STXBP4: variants seen among roughly 807,000 people sequenced by gnomAD.
STXBP4 encodes the protein syntaxin-binding protein 4.
Under a neutral mutation model 76.1 loss-of-function variants are expected in STXBP4, and 55 were observed. The observed-to-expected ratio is 0.72, with a 90% CI of 0.58 to 0.91. The LOEUF is 0.91. Ranked by LOEUF, STXBP4 falls within the 40% of genes least tolerant of loss-of-function variation. The probability of loss-of-function intolerance (pLI) is 0.00; values close to 1 mark genes in which losing one functional copy is unlikely to be tolerated. For synonymous variants in STXBP4, 201 were observed against 220.2 expected (o/e 0.91, Z 0.77); for missense variants, 618 against 636.9 (o/e 0.97, Z 0.32).
chr17:55,078,821 C>G (rs1383345625), intron 15 of STXBP4, 86 bp downstream of exon 15: 5 of 786,324 alleles, frequency 6.4e-6, no homozygotes, highest in Non-Finnish European at 1.1e-5. Flanking sequence ...CTAAAAATCT[C>G]TTAAATAGTC....
chr17:54,998,946 C>G (rs2077860803), intron 4 of STXBP4, among the ~76,000 whole-genome samples: 4 of 151,922 alleles, frequency 2.6e-5, no homozygotes, highest in Admixed American at 2.6e-4. Context: ...TGTAGGAATG[C>G]AGAGAAAATA....
chr17:55,123,672 G>A (rs1405165746), intron 16 of STXBP4, among the ~76,000 whole-genome samples: 6 of 152,078 alleles, frequency 3.9e-5, no homozygotes, highest in South Asian at 2.1e-4. Flanking sequence ...AGGCTGAGGC[G>A]GGCAGATCAT....
intron 17 of STXBP4, among the ~76,000 whole-genome samples, chr17:55,153,127 C>T (rs1567784243): frequency 6.6e-6 from 1 of 152,140 alleles, no homozygotes; most frequent in Non-Finnish European, 1.5e-5. Context: ...TCAGGTTCCT[C>T]ATACAGAAAA....
At chr17:55,104,840 C>A (rs2079611799) in intron 16 of STXBP4, among the ~76,000 whole-genome samples, 1 of 152,098 alleles carries the variant, frequency 6.6e-6, no homozygotes, top group African/African-American at 2.4e-5. Flanking sequence ...TCAACTTCTT[C>A]CTGGTTTAGA....
intron 16 of STXBP4, among the ~76,000 whole-genome samples, chr17:55,094,215 G>A (rs1441311742): frequency 6.6e-6 from 1 of 150,558 alleles, no homozygotes; most frequent in Non-Finnish European, 1.5e-5. Flanking sequence ...GAGCAAGCAG[G>A]AGAACAGCAT....
intron 17 of STXBP4, among the ~76,000 whole-genome samples, chr17:55,146,418 G>A (rs576522015): frequency 1.3e-5 from 2 of 152,296 alleles, no homozygotes; most frequent in East Asian, 3.9e-4. Flanking sequence ...GACTTCAAGA[G>A]TGGCTTAGTG....
At chr17:55,183,226 G>T in the STXBP4 span, among the ~76,000 whole-genome samples, 2 of 152,088 alleles carry the variant, frequency 1.3e-5, no homozygotes, top group African/African-American at 4.8e-5. Flanking sequence ...GATGAATGTT[G>T]TAATCTCTCA....
the STXBP4 span, among the ~76,000 whole-genome samples, chr17:55,209,745 G>C: frequency 6.6e-6 from 1 of 152,188 alleles, no homozygotes; most frequent in South Asian, 2.1e-4. Context: ...TCATGTCATT[G>C]TTGTCTCCCA....
intron 7 of STXBP4, among the ~76,000 whole-genome samples, chr17:55,004,411 T>C (rs1309907132): frequency 2.0e-5 from 3 of 151,810 alleles, no homozygotes; most frequent in Admixed American, 6.6e-5. Context: ...GAACAGAAAA[T>C]CCGAGAGAGG....
intron 15 of STXBP4, 66 bp from the exon 16 acceptor site, chr17:55,080,984 A>C: frequency 1.5e-6 from 2 of 1,297,748 alleles, no homozygotes; most frequent in Non-Finnish European, 2.0e-6. Flanking sequence ...ATACAACTTC[A>C]GATTTAGTAA....
At chr17:55,133,422 T>G (rs2079993908) in intron 16 of STXBP4, among the ~76,000 whole-genome samples, 1 of 152,106 alleles carries the variant, frequency 6.6e-6, no homozygotes, top group African/African-American at 2.4e-5. Context: ...GGCATGCACC[T>G]GAATTTGCCA....
intron 16 of STXBP4, among the ~76,000 whole-genome samples, chr17:55,104,667 T>TTC (rs1372926916): frequency 1.3e-5 from 2 of 152,156 alleles, no homozygotes; most frequent in African/African-American, 4.8e-5. Context: ...GGAGTCCCTC[T>TTC]TTTTCTTTTG....
At chr17:55,065,300 T>G (rs917261826) in intron 12 of STXBP4, among the ~76,000 whole-genome samples, 1 of 152,210 alleles carries the variant, frequency 6.6e-6, no homozygotes, top group Non-Finnish European at 1.5e-5. Flanking sequence ...TTAAGAATCT[T>G]TTTATTTAGC....
chr17:55,084,484 A>G (rs1482635764), intron 16 of STXBP4, among the ~76,000 whole-genome samples: 1 of 151,576 alleles, frequency 6.6e-6, no homozygotes, highest in Non-Finnish European at 1.5e-5. Flanking sequence ...TCTTTAGTTT[A>G]ATTAGATCCC....
chr17:55,125,500 A>AAAAAAAAAAAAAT (rs1459281293), intron 16 of STXBP4, among the ~76,000 whole-genome samples: 1 of 149,180 alleles, frequency 6.7e-6, no homozygotes, highest in African/African-American at 2.5e-5. Context: ...AAAAAAAAAA[A>AAAAAAAAAAAAAT]TACAATTGAA....
In STXBP4 at chr17:55,165,030, A is replaced by T. The variant is rs72834846; in HGVS notation, c.*5119A>T. The T allele has an allele frequency of 0.15, 23,288 of 152,068 alleles. 2,355 individuals carry two copies. Among genetic ancestry groups the T allele is most frequent in the Middle Eastern group, 0.36 (105 of 294 alleles). 9.4% of individuals were successfully genotyped at this position (152,068 alleles called of 1,614,324 possible). ...AAATTAACCAAAACTTTTTCCATTT[A>T]TTTTCTTTCTCCGCATTCTTTATCA... On this transcript the variant is annotated 3_prime_UTR_variant, in exon 18 of 18. Coordinates refer to ENST00000376352, the MANE Select transcript of STXBP4 (RefSeq NM_178509.6).
chr17:55,136,956 A>T (rs188273705), intron 16 of STXBP4, among the ~76,000 whole-genome samples: 27 of 152,240 alleles, frequency 1.8e-4, no homozygotes, highest in Non-Finnish European at 3.7e-4. Flanking sequence ...ACTATTAATA[A>T]CAATGGTCTC....
Position 55,161,537 on chromosome 17 carries a change from G to A in STXBP4, c.*1626G>A, listed in dbSNP as rs1220623018. 2 of 152,114 alleles carry A rather than the reference G, an allele frequency of 1.3e-5. No individual in the cohort carries two copies. The highest frequency in any genetic ancestry group is 1.9e-4 in the East Asian group (1 of 5,196). 9.4% of individuals were successfully genotyped at this position (152,114 alleles called of 1,614,324 possible). A position where few individuals can be genotyped will look rare whatever the true frequency, so the allele number is the denominator to read the frequency against. On this transcript the variant is annotated 3_prime_UTR_variant, in exon 18 of 18. Transcript: ENST00000376352. Reference sequence around the variant, plus strand: ...CCCTGCTTGAAGAGTTTTCTAATTCGTTTCTAGTGAGCAAAACAAAGAAGG... The same window carrying A: ...CCCTGCTTGAAGAGTTTTCTAATTCATTTCTAGTGAGCAAAACAAAGAAGG...
rs2077875110 is a variant in STXBP4 at position 54,999,655 on chromosome 17, C to T, written c.311C>T (p.Ala104Val). 6.2e-7 allele frequency: 1 copy of T among 1,613,578 alleles called. No individual in the cohort carries two copies. Among genetic ancestry groups the T allele is most frequent in the Non-Finnish European group, 8.5e-7 (1 of 1,179,744 alleles). ...KLRLESAWEI[A>V]FIRQKSDNIQ... is the part of the protein sequence containing the mutation. ...AGGTTAGAATCTGCTTGGGAGATAG[C>T]ATTCATAAGACAAAAATCCGACAAC... The change falls in exon 6 of 18, where the codon GCA becomes GTA. Residue 104 changes from alanine (A) to valine (V), a missense_variant. By Grantham distance (64) the Ala-to-Val change is moderately conservative (BLOSUM62 0). Transcript: ENST00000376352.
Sources: allele counts gnomAD v4.1 joint callset (sites outside exome capture counted in the v4.1 genomes callset), GRCh38; gene constraint gnomAD v4.1.1; transcripts MANE v1.5; gene names NCBI Gene and HGNC (gene_info 2026-07-23, HGNC 2026-07-21).